Variants in SH3RF2 observed in about 807,000 individuals in gnomAD.
The protein encoded by SH3RF2 is SH3 domain containing ring finger 2, also known as E3 ubiquitin-protein ligase SH3RF2.
In SH3RF2, 43 loss-of-function variants were observed where a neutral mutation model predicts 59.0. The ratio of observed to expected loss-of-function variants is 0.73; its 90% confidence interval spans 0.57 to 0.94. The LOEUF is 0.94. Among genes scored for constraint, SH3RF2 ranks in the 40% least tolerant of loss-of-function variants. The pLI is 0.00. For synonymous variants in SH3RF2, 391 were observed against 391.5 expected (o/e 1.00, Z 0.01); for missense variants, 930 against 940.1 (o/e 0.99, Z 0.14).
downstream of SH3RF2, among the ~76,000 whole-genome samples, chr5:146,068,148 T>C (rs1389464248): frequency 1.3e-5 from 2 of 152,156 alleles, no homozygotes; most frequent in Non-Finnish European, 2.9e-5. Context: ...GCTAACATCT[T>C]CAAAGGCCTC....
chr5:145,989,354 C>A (rs979247931), intron 2 of SH3RF2, among the ~76,000 whole-genome samples: 2 of 152,190 alleles, frequency 1.3e-5, no homozygotes, highest in Non-Finnish European at 2.9e-5. Context: ...TTCTTATCAG[C>A]CATTTGTATT....
chr5:146,033,556 C>T (rs961248511), intron 5 of SH3RF2, among the ~76,000 whole-genome samples: 12 of 148,632 alleles, frequency 8.1e-5, no homozygotes, highest in Non-Finnish European at 7.4e-5. Flanking sequence ...CTGCAACCTC[C>T]GTCTCCCAGG....
At chr5:145,998,227 G>A (rs1369618691) in intron 2 of SH3RF2, among the ~76,000 whole-genome samples, 1 of 150,940 alleles carries the variant, frequency 6.6e-6, no homozygotes, top group East Asian at 1.9e-4. Context: ...GATTGATGAG[G>A]AGACTTAGGT....
chr5:146,047,154 C>CGTGTGTGTGTGTGTGTGTGTGTGTGTGT (rs35750777), intron 5 of SH3RF2, among the ~76,000 whole-genome samples: 31 of 148,226 alleles, frequency 2.1e-4, no homozygotes, highest in African/African-American at 7.7e-4. Flanking sequence ...ATTGGATAGG[C>CGTGTGTGTGTGTGTGTGTGTGTGTGTGT]GTGTGTGTGT....
In SH3RF2 at chr5:146,000,216, G is replaced by T; in HGVS notation, c.537G>T (p.Val179=). ...GISGNFPASS[V]EVIKQLPQPP... is the part of the protein sequence containing the mutation. ...GCGGGAACTTCCCAGCCAGCTCCGT[G>T]GAAGTCATCAAGCAGCTGCCCCAGC... The change falls in exon 3 of 10, where the codon GTG becomes GTT. Residue 179 remains valine, a synonymous_variant. Coordinates refer to ENST00000359120, the MANE Select transcript of SH3RF2 (RefSeq NM_152550.4). 6.2e-7 allele frequency: 1 copy of T among 1,613,654 alleles called. No individual in the cohort carries two copies. The highest frequency in any genetic ancestry group is 8.5e-7 in the Non-Finnish European group (1 of 1,179,844).
chr5:145,966,858 C>T (rs1055821300), intron 2 of SH3RF2, among the ~76,000 whole-genome samples: 3 of 151,986 alleles, frequency 2.0e-5, no homozygotes, highest in African/African-American at 7.3e-5. Flanking sequence ...CCTGTCTCTA[C>T]AAAAAATACA....
intron 2 of SH3RF2, among the ~76,000 whole-genome samples, chr5:145,978,699 GA>G (rs933825802): frequency 1.4e-5 from 2 of 146,334 alleles, no homozygotes; most frequent in Non-Finnish European, 3.0e-5. Context: ...AAAAAAAAAA[GA>G]AAAAAAACAC....
At chr5:145,978,004 A>T (rs1029861730) in intron 2 of SH3RF2, among the ~76,000 whole-genome samples, 29 of 152,210 alleles carry the variant, frequency 1.9e-4, no homozygotes, top group African/African-American at 7.0e-4. Context: ...ACTGACTCTA[A>T]AACCCTTATT....
intron 7 of SH3RF2, among the ~76,000 whole-genome samples, chr5:146,050,447 T>C (rs940191925): frequency 6.6e-6 from 1 of 152,202 alleles, no homozygotes; most frequent in African/African-American, 2.4e-5. Flanking sequence ...CTCATAGATC[T>C]AAAGTTGTAT....
At position 146,052,154 on chromosome 5, in the gene SH3RF2, A is replaced by G. The variant is rs531589705; in HGVS notation, c.1322+2909A>G. The stretch of plus-strand genomic sequence containing the variant: ...GGCCTTAGTCCTAAATCCTGGTTAT[A>G]CCATCAAAGACTCAATAGAATAAGG... On this transcript the variant is annotated intron_variant, in intron 7 of 9. Transcript: ENST00000359120. 4.6e-5 allele frequency among the ~76,000 whole-genome samples: 7 copies of G among 152,288 alleles called. No individual in the cohort carries two copies. In the South Asian group the frequency reaches 8.3e-4, roughly 18 times the overall value.
chr5:145,988,298 T>C (rs530349524), intron 2 of SH3RF2, among the ~76,000 whole-genome samples: 69 of 151,652 alleles, frequency 4.5e-4, no homozygotes, highest in African/African-American at 1.6e-3. Flanking sequence ...ATAAGTCACA[T>C]TGTTAGCTTA....
At chr5:145,988,601 T>C (rs1759806612) in intron 2 of SH3RF2, among the ~76,000 whole-genome samples, 1 of 152,098 alleles carries the variant, frequency 6.6e-6, no homozygotes, top group Admixed American at 6.6e-5. Context: ...TTCTTAACTA[T>C]TGCATCCTAG....
At chr5:146,018,241 A>G (rs1237313345) in intron 5 of SH3RF2, among the ~76,000 whole-genome samples, 1 of 151,880 alleles carries the variant, frequency 6.6e-6, no homozygotes, top group Non-Finnish European at 1.5e-5. Context: ...TCTTCCCTTA[A>G]CCACCCTCAC....
intron 9 of SH3RF2, among the ~76,000 whole-genome samples, chr5:146,076,594 T>C (rs1354102954): frequency 1.3e-5 from 2 of 152,220 alleles, no homozygotes; most frequent in Non-Finnish European, 2.9e-5. Flanking sequence ...TGCCTGCTTC[T>C]CCCGCTGAAT....
At chr5:146,015,643 G>A (rs2149994365) in intron 5 of SH3RF2, among the ~76,000 whole-genome samples, 1 of 152,344 alleles carries the variant, frequency 6.6e-6, no homozygotes, top group East Asian at 1.9e-4. Flanking sequence ...TTAACCAAGA[G>A]TCATTTTCTG....
At chr5:145,980,564 T>C (rs1759469997) in intron 2 of SH3RF2, among the ~76,000 whole-genome samples, 1 of 152,166 alleles carries the variant, frequency 6.6e-6, no homozygotes, top group Non-Finnish European at 1.5e-5. Flanking sequence ...TTCACAATCT[T>C]TTACATAGAT....
intron 2 of SH3RF2, among the ~76,000 whole-genome samples, chr5:145,959,036 G>A (rs1262246142): frequency 6.6e-6 from 1 of 152,154 alleles, no homozygotes; most frequent in African/African-American, 2.4e-5. Context: ...GAGAAGCAGG[G>A]AAAAGCTGTC....
chr5:145,984,140 G>A (rs1759611167), intron 2 of SH3RF2, among the ~76,000 whole-genome samples: 1 of 151,986 alleles, frequency 6.6e-6, no homozygotes, highest in South Asian at 2.1e-4. Context: ...ATAAAGGCAG[G>A]TATTGTGTAT....
chr5:145,943,939 C>T (rs187252692), intron 2 of SH3RF2, among the ~76,000 whole-genome samples: 1 of 152,168 alleles, frequency 6.6e-6, no homozygotes, highest in Non-Finnish European at 1.5e-5. Flanking sequence ...AAGTTGCCTG[C>T]CCACCTGTCC....
Sources: gnomAD v4.1 joint callset for allele counts (sites outside exome capture counted in the v4.1 genomes callset) on GRCh38, gnomAD v4.1.1 for gene constraint, MANE v1.5 for transcripts, NCBI Gene and HGNC (gene_info 2026-07-23, HGNC 2026-07-21) for gene names.